ELP4: variants seen among roughly 807,000 people sequenced by gnomAD.
The protein encoded by ELP4 is elongator acetyltransferase complex subunit 4.
A neutral mutation model predicts 48.9 loss-of-function variants in ELP4; 51 were observed. That is an observed-to-expected ratio of 1.04 (90% CI 0.83 to 1.32). The LOEUF is 1.32. ELP4 is among the 40% of genes most tolerant of loss of function. The pLI, the probability that ELP4 is intolerant of heterozygous loss-of-function variation, is 0.00. For missense variants in ELP4, 519 were observed against 514.6 expected (o/e 1.01, Z -0.08); for synonymous variants, 210 against 189.2 (o/e 1.11, Z -0.90).
intron 3 of ELP4, chr11:31,573,595 A>G (rs1184921352): frequency 6.6e-6 from 1 of 152,178 alleles, no homozygotes; most frequent in Admixed American, 6.5e-5. Flanking sequence ...AGATAAAGAA[A>G]GAGCTCTTTC....
At chr11:31,699,987 G>A (rs376212228) in intron 9 of ELP4, among the ~76,000 whole-genome samples, 1 of 152,124 alleles carries the variant, frequency 6.6e-6, no homozygotes, top group Non-Finnish European at 1.5e-5. Flanking sequence ...ATGTCCTGAC[G>A]ATACTGGGGC....
chr11:31,739,274 T>C (rs1947394715), intron 9 of ELP4, among the ~76,000 whole-genome samples: 1 of 152,234 alleles, frequency 6.6e-6, no homozygotes, highest in South Asian at 2.1e-4. Flanking sequence ...TTAATTGAAA[T>C]GCAGCTTTTA....
chr11:31,573,201 T>C (rs1459978784), intron 3 of ELP4, among the ~76,000 whole-genome samples: 3 of 152,204 alleles, frequency 2.0e-5, no homozygotes, highest in African/African-American at 7.2e-5. Flanking sequence ...CCTTGAGAAA[T>C]GTGCCTACAT....
chr11:31,543,043 A>G (rs1270443444), intron 3 of ELP4, among the ~76,000 whole-genome samples: 1 of 152,182 alleles, frequency 6.6e-6, no homozygotes, highest in Admixed American at 6.5e-5. Context: ...TAGACACTGA[A>G]AAAGAAAAGA....
At chr11:31,662,424 C>T (rs1945579842) in intron 9 of ELP4, 1 of 394,054 alleles carries the variant, frequency 2.5e-6, no homozygotes. Flanking sequence ...AAACTATGGC[C>T]CATGGGCCAA....
intron 9 of ELP4, among the ~76,000 whole-genome samples, chr11:31,678,093 C>T (rs559791068): frequency 1.3e-5 from 2 of 152,154 alleles, no homozygotes; most frequent in South Asian, 4.2e-4. Context: ...TTGCCTTTTT[C>T]ACAATGCCAT....
chr11:31,751,231 C>T (rs549323381), intron 9 of ELP4, among the ~76,000 whole-genome samples: 3 of 152,284 alleles, frequency 2.0e-5, no homozygotes, highest in East Asian at 1.9e-4. Context: ...TGACTATGGC[C>T]GTATCCAAGA....
At chr11:31,591,644 G>A (rs1592143046) in intron 3 of ELP4, among the ~76,000 whole-genome samples, 2 of 152,060 alleles carry the variant, frequency 1.3e-5, no homozygotes, top group Admixed American at 1.3e-4. Flanking sequence ...TGGAACCCAC[G>A]TACATTGTTG....
Position 31,509,877 on chromosome 11 carries a change from G to C in ELP4, c.93G>C (p.Arg31Ser), listed in dbSNP as rs373816333. Residue 31 changes from arginine (R) to serine (S), a missense_variant, in exon 1 of 10, where the codon AGG becomes AGC. Arg to Ser is a moderately radical substitution (Grantham distance 110, BLOSUM62 -1). Coordinates refer to ENST00000640961, the MANE Select transcript of ELP4 (RefSeq NM_019040.5). ...ASKSNVTSFQ[R>S]RGPRASVTND... ...AGAGCAACGTCACCAGTTTCCAGAG[G>C]AGGGGTCCTAGAGCCAGCGTGACCA... 22 of 1,614,068 alleles carry C rather than the reference G, an allele frequency of 1.4e-5. No homozygotes were observed. The highest frequency in any genetic ancestry group is 1.9e-5 in the Non-Finnish European group (22 of 1,180,048).
chr11:31,778,750 C>A (rs1464102809), intron 9 of ELP4, among the ~76,000 whole-genome samples: 2 of 152,206 alleles, frequency 1.3e-5, no homozygotes, highest in African/African-American at 4.8e-5. Flanking sequence ...TCACTCTCTG[C>A]CTCTGTGTCC....
chr11:31,663,328 TTAAA>T (rs1426337290), intron 9 of ELP4: 3 of 151,996 alleles, frequency 2.0e-5, no homozygotes, highest in Non-Finnish European at 2.9e-5. Context: ...TTCATACAAT[TTAAA>T]TATTAAAATT....
chr11:31,618,834 A>G (rs1198162595), intron 5 of ELP4, among the ~76,000 whole-genome samples: 2 of 152,130 alleles, frequency 1.3e-5, no homozygotes, highest in African/African-American at 2.4e-5. Context: ...TACTAGAACT[A>G]TTGAACTGTA....
chr11:31,639,527 G>T (rs1945046766), intron 7 of ELP4, among the ~76,000 whole-genome samples: 1 of 151,778 alleles, frequency 6.6e-6, no homozygotes. Flanking sequence ...ATCATAGCTT[G>T]TGTGCGTTAT....
intron 3 of ELP4, among the ~76,000 whole-genome samples, chr11:31,551,233 G>A (rs1392911837): frequency 6.6e-6 from 1 of 152,126 alleles, no homozygotes; most frequent in Admixed American, 6.6e-5. Context: ...TTTAATTAGG[G>A]CATGAACAAG....
intron 2 of ELP4, among the ~76,000 whole-genome samples, chr11:31,525,250 TAC>T: frequency 6.6e-6 from 1 of 152,208 alleles, no homozygotes; most frequent in Non-Finnish European, 1.5e-5. Context: ...CTACTAAACT[TAC>T]TTTAGAGTAG....
intron 9 of ELP4, among the ~76,000 whole-genome samples, chr11:31,701,311 ACTAAG>A (rs1439036266): frequency 6.6e-6 from 1 of 152,112 alleles, no homozygotes; most frequent in Non-Finnish European, 1.5e-5. Context: ...TATTATAAAA[ACTAAG>A]CTGTCACATT....
At chr11:31,702,815 C>T (rs897047162) in intron 9 of ELP4, among the ~76,000 whole-genome samples, 2 of 152,122 alleles carry the variant, frequency 1.3e-5, no homozygotes, top group African/African-American at 2.4e-5. Context: ...CTCCTCTAAA[C>T]TTTCATTTTC....
chr11:31,659,001 T>C (rs1470044533), intron 9 of ELP4, among the ~76,000 whole-genome samples: 1 of 152,038 alleles, frequency 6.6e-6, no homozygotes, highest in Non-Finnish European at 1.5e-5. Flanking sequence ...TCCTCTTTTA[T>C]TGATGAATAT....
At chr11:31,650,668 A>T (rs1278377325) in intron 9 of ELP4, 1 of 152,432 alleles carries the variant, frequency 6.6e-6, no homozygotes, top group African/African-American at 2.4e-5. Flanking sequence ...GTGGAACTAA[A>T]CAAATTATAA....
Sources: gnomAD v4.1 joint callset for allele counts (sites outside exome capture counted in the v4.1 genomes callset) on GRCh38, gnomAD v4.1.1 for gene constraint, MANE v1.5 for transcripts, NCBI Gene and HGNC (gene_info 2026-07-23, HGNC 2026-07-21) for gene names.